Variants in TRPM6 observed in about 807,000 individuals in gnomAD.
TRPM6 encodes the protein transient receptor potential cation channel subfamily M member 6.
In TRPM6, 111 loss-of-function variants were observed where a neutral mutation model predicts 247.6. That is an observed-to-expected ratio of 0.45 (90% CI 0.38 to 0.52). The LOEUF is 0.52. Among genes scored for constraint, TRPM6 ranks in the 20% least tolerant of loss-of-function variants. The probability of loss-of-function intolerance (pLI) is 0.00; values close to 1 mark genes in which losing one functional copy is unlikely to be tolerated. For missense variants in TRPM6, 2,126 were observed against 2,421.5 expected, an observed-to-expected ratio of 0.88 and a Z score of 2.56; for synonymous variants, 892 against 853.8, an observed-to-expected ratio of 1.04 and a Z score of -0.78.
chr9:74,842,054 T>G (rs1587568041), intron 4 of TRPM6, 112 bp downstream of exon 4: 2 of 1,171,704 alleles, frequency 1.7e-6, no homozygotes, highest in Non-Finnish European at 2.4e-6. Flanking sequence ...GAGGTTGCAG[T>G]GCGCCGAGAT....
chr9:74,732,958 T>A (rs1310596625), intron 36 of TRPM6, among the ~76,000 whole-genome samples: 11 of 150,670 alleles, frequency 7.3e-5, no homozygotes, highest in Admixed American at 7.3e-4. Flanking sequence ...CTTTGGGGGG[T>A]GGAGGTGGGC....
chr9:74,838,317 A>G (rs1333046093), intron 5 of TRPM6, among the ~76,000 whole-genome samples: 1 of 152,224 alleles, frequency 6.6e-6, no homozygotes, highest in African/African-American at 2.4e-5. Flanking sequence ...AATAAGAACT[A>G]TACAATGGAC....
chr9:74,792,685 G>T lies in TRPM6; in HGVS notation c.2477C>A (p.Pro826Gln). 1 of 1,614,042 alleles carries T rather than the reference G, an allele frequency of 6.2e-7. No homozygotes were observed. Among genetic ancestry groups the T allele is most frequent in the Non-Finnish European group, 8.5e-7 (1 of 1,179,958 alleles). Residue 826 changes from proline (P) to glutamine (Q), a missense_variant, in exon 19 of 39, where the codon CCG becomes CAG. By Grantham distance (76) the Pro-to-Gln change is moderately conservative (BLOSUM62 -1). Around this residue, in one of 3 missense-constraint regions of TRPM6, gnomAD observed 1,082 missense variants for 1,307.9 expected, o/e 0.83. Coordinates refer to ENST00000360774, the MANE Select transcript of TRPM6 (RefSeq NM_017662.5). ...FGLESGHQHL[P>Q]WTRKVYEFYS... is the part of the protein sequence containing the mutation. ...GAACTCATAGACTTTCCTGGTCCAC[G>T]GAAGGTGTTGGTGCCCACTTTCCAA...
At chr9:74,846,868 A>T (rs1301250850) in intron 3 of TRPM6, among the ~76,000 whole-genome samples, 1 of 152,148 alleles carries the variant, frequency 6.6e-6, no homozygotes, top group Non-Finnish European at 1.5e-5. Context: ...TATTTTTCTA[A>T]AAAGCACACT....
At chr9:74,755,932 C>T (rs759988535) in intron 27 of TRPM6, among the ~76,000 whole-genome samples, 1 of 152,168 alleles carries the variant, frequency 6.6e-6, no homozygotes, top group Non-Finnish European at 1.5e-5. Context: ...CATTTAGAAG[C>T]CATGTGAATT....
chr9:74,850,737 A>C (rs1830277062), intron 3 of TRPM6, among the ~76,000 whole-genome samples: 1 of 152,120 alleles, frequency 6.6e-6, no homozygotes. Context: ...AAACAAAAAA[A>C]CAAACAAAAA....
At position 74,792,693 on chromosome 9, in the gene TRPM6, T is replaced by C. The variant is rs570517430; in HGVS notation, c.2469A>G (p.Gln823=). The C allele has an allele frequency of 8.1e-6, 13 of 1,613,932 alleles. No individual in the cohort carries two copies. The highest frequency in any genetic ancestry group is 3.3e-5 in the South Asian group (3 of 91,068). Residue 823 remains glutamine (Q), a synonymous_variant, in exon 19 of 39, where the codon CAA becomes CAG. Transcript: ENST00000360774. ...AGACTTTCCTGGTCCACGGAAGGTG[T>C]TGGTGCCCACTTTCCAAACCAAAAT... ...NQHFGLESGH[Q]HLPWTRKVYE...
chr9:74,741,846 C>G (rs185500562), intron 33 of TRPM6, among the ~76,000 whole-genome samples: 1 of 151,538 alleles, frequency 6.6e-6, no homozygotes, highest in East Asian at 1.9e-4. Flanking sequence ...GCCAAGATCC[C>G]GCCATTGCAC....
chr9:74,786,077 TC>T lies in TRPM6; in HGVS notation c.2715del (p.Trp905Ter). Reference protein sequence around the residue: ...PGKFTQKVKVWISEYWNLTET... With the variant: ...PGKFTQKVKVXISEYWNLTET... Reference sequence around the variant, plus strand: ...TCTGTTAAGTTCCAGTACTCACTAATCCATACCTTCACCTTTTGGGTAAACT... The same window carrying T: ...TCTGTTAAGTTCCAGTACTCACTAATCATACCTTCACCTTTTGGGTAAACT... On this transcript the variant is annotated frameshift_variant, in exon 21 of 39. Coordinates refer to ENST00000360774, the MANE Select transcript of TRPM6 (RefSeq NM_017662.5). LOFTEE classifies it high-confidence loss of function. The T allele has an allele frequency of 6.2e-7, 1 of 1,614,212 alleles. No individual in the cohort carries two copies. The highest frequency in any genetic ancestry group is 2.2e-5 in the East Asian group (1 of 44,874).
intron 25 of TRPM6, 61 bp downstream of exon 25, chr9:74,771,642 T>TA (rs1827045824): frequency 6.5e-7 from 1 of 1,542,830 alleles, no homozygotes. Flanking sequence ...CACCTTTAGA[T>TA]ATTCTAGCAG....
intron 14 of TRPM6, among the ~76,000 whole-genome samples, chr9:74,807,535 A>T (rs534266461): frequency 3.3e-5 from 5 of 152,330 alleles, no homozygotes; most frequent in Non-Finnish European, 5.9e-5. Flanking sequence ...CTATCATGGA[A>T]AATAAAATAT....
intron 32 of TRPM6, 108 bp from the exon 33 acceptor site, chr9:74,742,734 C>T (rs896395870): frequency 2.1e-6 from 2 of 975,322 alleles, no homozygotes; most frequent in Admixed American, 4.0e-5. Context: ...TTTCAAAGAC[C>T]TCTTATTTTT....
In TRPM6 at chr9:74,785,973, C is replaced by T. The variant is rs536786593; in HGVS notation, c.2820G>A (p.Leu940=). The change falls in exon 21 of 39, where the codon CTG becomes CTA. Residue 940 remains leucine, a synonymous_variant. Coordinates refer to ENST00000360774, the MANE Select transcript of TRPM6 (RefSeq NM_017662.5). ...GDPPFHTAGR[L]IYCIDIIFWF... Reference sequence around the variant, plus strand: ...AGAATATGATGTCTATGCAGTAGATCAGTCTTCCCGCTGTGTGAAAAGGAG... The same window carrying T: ...AGAATATGATGTCTATGCAGTAGATTAGTCTTCCCGCTGTGTGAAAAGGAG... 4 of 1,614,222 alleles carry T rather than the reference C, an allele frequency of 2.5e-6. No homozygotes were observed. In the South Asian group the frequency reaches 4.4e-5, roughly 18 times the overall value.
intron 12 of TRPM6, among the ~76,000 whole-genome samples, chr9:74,812,067 G>A (rs1448244960): frequency 6.6e-6 from 1 of 152,156 alleles, no homozygotes; most frequent in Admixed American, 6.6e-5. Context: ...ATGTCAGGAA[G>A]GGTTGCACAA....
At chr9:74,847,185 A>T (rs1830138006) in intron 3 of TRPM6, among the ~76,000 whole-genome samples, 1 of 152,106 alleles carries the variant, frequency 6.6e-6, no homozygotes, top group African/African-American at 2.4e-5. Flanking sequence ...TTATTATAAC[A>T]TTCTCACTTT....
Position 74,781,298 on chromosome 9 carries a change from G to A in TRPM6, c.3209+1064C>T, listed in dbSNP as rs548624930. Among the ~76,000 whole-genome samples, 203 of 152,210 alleles carry A rather than the reference G, an allele frequency of 1.3e-3. 1 individual carries two copies. The highest frequency in any genetic ancestry group is 4.6e-3 in the African/African-American group (193 of 41,520). On this transcript the variant is annotated intron_variant, in intron 23 of 38. Transcript: ENST00000360774. ...CTCCTATAATCCCAGCACTTAGGGA[G>A]GCAGAGGCAGGTGGATCACTTGAGG...
intron 11 of TRPM6, 111 bp downstream of exon 11, chr9:74,816,558 C>T (rs1828938398): frequency 2.3e-6 from 2 of 853,294 alleles, no homozygotes. Flanking sequence ...AGAGATGCTA[C>T]CCCACACTTC....
intron 6 of TRPM6, 151 bp from the exon 7 acceptor site, chr9:74,828,100 T>C: frequency 1.2e-6 from 1 of 800,636 alleles, no homozygotes; most frequent in Non-Finnish European, 2.0e-6. Flanking sequence ...ATGCCTGTAA[T>C]CCCAGCACTT....
At position 74,790,031 on chromosome 9, in the gene TRPM6, T is replaced by TGG. The variant is rs555035802; in HGVS notation, c.2539-1290_2539-1289insCC. Reference sequence around the variant, plus strand: ...ATGTGTGTGTGTGTGTGTGTGTGTGTGTGTGGGTTCATTCTCACAAGTCAT... The same window carrying TGG: ...ATGTGTGTGTGTGTGTGTGTGTGTGTGGGTGTGGGTTCATTCTCACAAGTCAT... On this transcript the variant is annotated intron_variant, in intron 19 of 38. Coordinates refer to ENST00000360774, the MANE Select transcript of TRPM6 (RefSeq NM_017662.5). Among the ~76,000 whole-genome samples the TGG allele has an allele frequency of 2.6e-3, 380 of 148,664 alleles. 2 individuals carry two copies. Among genetic ancestry groups the TGG allele is most frequent in the Non-Finnish European group, 4.4e-3 (297 of 67,296 alleles).
Sources: gnomAD v4.1 joint callset for allele counts (sites outside exome capture counted in the v4.1 genomes callset) on GRCh38, gnomAD v4.1.1 for gene constraint, gnomAD v4.1.1 regional missense constraint, MANE v1.5 for transcripts, NCBI Gene and HGNC (gene_info 2026-07-23, HGNC 2026-07-21) for gene names.